Variants in HTRA3 observed in about 807,000 individuals in gnomAD.
HTRA3 encodes HtrA serine peptidase 3.
In HTRA3, 41 loss-of-function variants were observed where a neutral mutation model predicts 43.2. The observed-to-expected ratio is 0.95, with a 90% CI of 0.74 to 1.23. The LOEUF (loss-of-function observed/expected upper bound fraction) is 1.23. Ranked by LOEUF, HTRA3 falls within the 50% of genes most tolerant of loss-of-function variation. HTRA3 has a pLI of 0.00. For missense variants in HTRA3, 628 were observed against 647.1 expected (o/e 0.97, Z 0.32); for synonymous variants, 295 against 287.9 (o/e 1.02, Z -0.25).
rs1312302407 is a variant in HTRA3 at position 8,297,019 on chromosome 4, C to G, written c.1051+2818C>G. ...TAAGTTTCCCTGGTCTCAGAGTTCA[C>G]AGGGTTCCCCAGCCTCAGAGGTCAC... is the stretch of plus-strand genomic sequence containing the variant. On this transcript the variant is annotated intron_variant, in intron 6 of 8. Coordinates refer to ENST00000307358, the MANE Select transcript of HTRA3 (RefSeq NM_053044.5). This position sits in a 1 kb window ranked among gnomAD's most constrained non-coding sequence, Gnocchi z 5.8. 1.3e-5 allele frequency among the ~76,000 whole-genome samples: 2 copies of G among 152,034 alleles called. No homozygotes were observed. Among genetic ancestry groups the G allele is most frequent in the African/African-American group, 2.4e-5 (1 of 41,386 alleles).
intron 6 of HTRA3, among the ~76,000 whole-genome samples, chr4:8,298,928 CTTCCTT>C (rs1713550850): frequency 6.6e-6 from 1 of 152,214 alleles, no homozygotes; most frequent in Admixed American, 6.5e-5. Context: ...CGACTTTATT[CTTCCTT>C]TTCCAAGTTG....
chr4:8,272,780 C>T (rs1368329219), intron 1 of HTRA3, among the ~76,000 whole-genome samples: 1 of 152,206 alleles, frequency 6.6e-6, no homozygotes, highest in Non-Finnish European at 1.5e-5. Context: ...ACCCGAGAGC[C>T]CTGTCGCCAC....
rs114202231 is a variant in HTRA3, at chr4:8,299,397, T to C, written c.1052-3066T>C. ...CTAGAAACTTTTTTTGTAGATTCCA[T>C]CAGATTTCCTACATAGATGGCTATG... On this transcript the variant is annotated intron_variant, in intron 6 of 8. Coordinates refer to ENST00000307358, the MANE Select transcript of HTRA3 (RefSeq NM_053044.5). 7.9e-3 allele frequency among the ~76,000 whole-genome samples: 1,202 copies of C among 152,310 alleles called. 5 individuals are homozygous for C. The highest frequency in any genetic ancestry group is 0.011 in the Non-Finnish European group (774 of 68,020).
At chr4:8,273,970 C>A (rs138661093) in intron 1 of HTRA3, among the ~76,000 whole-genome samples, 29 of 152,248 alleles carry the variant, frequency 1.9e-4, no homozygotes, top group African/African-American at 6.0e-4. Context: ...CAAAACATCT[C>A]CTGGGGCGCT....
intron 3 of HTRA3, among the ~76,000 whole-genome samples, chr4:8,288,565 G>C (rs150425489): frequency 0.021 from 2,776 of 132,186 alleles, 40 homozygotes; most frequent in Middle Eastern, 0.083. Context: ...GTGAACCACC[G>C]TGCCTAGCCT....
chr4:8,285,522 G>A (rs116985160), intron 2 of HTRA3, among the ~76,000 whole-genome samples: 5 of 152,258 alleles, frequency 3.3e-5, no homozygotes, highest in South Asian at 2.1e-4. Flanking sequence ...TTTGTCCCTC[G>A]CACATTTTCC....
chr4:8,291,719 A>T (rs1713251415), intron 4 of HTRA3, among the ~76,000 whole-genome samples, 155 bp downstream of exon 4: 1 of 152,098 alleles, frequency 6.6e-6, no homozygotes. Context: ...CATTCGGTGG[A>T]GCTCTAACCC....
chr4:8,277,851 C>T (rs1712589520), intron 1 of HTRA3, among the ~76,000 whole-genome samples: 1 of 152,220 alleles, frequency 6.6e-6, no homozygotes, highest in Non-Finnish European at 1.5e-5. Context: ...CCCCAGCTCA[C>T]AGCTGACCAC....
Position 8,295,740 on chromosome 4 carries a change from T to TC in HTRA3, c.1051+1544dup. On this transcript the variant is annotated intron_variant, in intron 6 of 8. Transcript: ENST00000307358. This position sits in a 1 kb window ranked among gnomAD's most constrained non-coding sequence, Gnocchi z 6.9. ...TGAGAGCAGGGGGCTTCCTCACGTT[T>TC]CCCCCTCCTCCATGACCCCGTCAGC... is the stretch of plus-strand genomic sequence containing the variant. 3.0e-6 allele frequency: 4 copies of TC among 1,328,768 alleles called. No homozygotes were observed. Among genetic ancestry groups the TC allele is most frequent in the Non-Finnish European group, 2.9e-6 (3 of 1,036,828 alleles). The allele number at this position is 1,328,768 out of a possible 1,614,324, so 82.3% of individuals were successfully genotyped here. A position where few individuals can be genotyped will look rare whatever the true frequency, so the allele number is the denominator to read the frequency against.
chr4:8,282,459 G>A lies in HTRA3; in HGVS notation c.408G>A (p.Pro136=), dbSNP rs144854375. 1.1e-4 allele frequency: 184 copies of A among 1,613,732 alleles called. No homozygotes were observed. The highest frequency in any genetic ancestry group is 1.4e-4 in the Non-Finnish European group (167 of 1,179,924). Residue 136 remains proline, a synonymous_variant, in exon 2 of 9, where the codon CCG becomes CCA. Transcript: ENST00000307358. ...CPLGLHQLSS[P]RYKFNFIADV... is the part of the protein sequence containing the mutation. ...CAGGTCTCCACCAGCTGAGCAGCCC[G>A]CGCTACAAGTTCAACTTCATTGCTG...
chr4:8,284,512 C>T (rs1197003843), intron 2 of HTRA3, among the ~76,000 whole-genome samples: 1 of 152,228 alleles, frequency 6.6e-6, no homozygotes, highest in Non-Finnish European at 1.5e-5. Flanking sequence ...GGCTGTGACC[C>T]CTGACCTGAG....
At chr4:8,288,643 G>A (rs1252995375) in intron 3 of HTRA3, among the ~76,000 whole-genome samples, 3 of 150,426 alleles carry the variant, frequency 2.0e-5, no homozygotes, top group East Asian at 3.9e-4. Context: ...CAGGATCTCG[G>A]CTCACTGCAA....
chr4:8,275,267 C>A (rs1358378271), intron 1 of HTRA3, among the ~76,000 whole-genome samples: 1 of 152,188 alleles, frequency 6.6e-6, no homozygotes, highest in African/African-American at 2.4e-5. Flanking sequence ...CTTCCCCCGA[C>A]AGGCCTCTGC....
intron 1 of HTRA3, among the ~76,000 whole-genome samples, chr4:8,277,477 C>T (rs1038189041): frequency 1.1e-4 from 17 of 152,178 alleles, no homozygotes; most frequent in Admixed American, 4.6e-4. Flanking sequence ...GGGAAGGGTA[C>T]GAGGTGCTGT....
chr4:8,299,069 T>C lies in HTRA3; in HGVS notation c.1052-3394T>C, dbSNP rs567338489. Among the ~76,000 whole-genome samples the C allele has an allele frequency of 3.5e-3, 529 of 152,350 alleles. 6 individuals carry two copies. Among genetic ancestry groups the C allele is most frequent in the African/African-American group, 0.012 (504 of 41,572 alleles). ...GATTCCATTGAATTTACAGATCAAT[T>C]TGGGGAAATTTGGCATTTTAACAAT... is the stretch of plus-strand genomic sequence containing the variant. On this transcript the variant is annotated intron_variant, in intron 6 of 8. Coordinates refer to ENST00000307358, the MANE Select transcript of HTRA3 (RefSeq NM_053044.5).
chr4:8,282,609 A>C, intron 2 of HTRA3, 73 bp downstream of exon 2: 1 of 1,186,186 alleles, frequency 8.4e-7, no homozygotes, highest in Non-Finnish European at 1.2e-6. Context: ...TGGGGCCCAA[A>C]CCAGGCTTGA....
intron 3 of HTRA3, among the ~76,000 whole-genome samples, chr4:8,288,342 C>T (rs1201166686): frequency 2.6e-5 from 4 of 152,168 alleles, no homozygotes; most frequent in East Asian, 1.9e-4. Context: ...GGCGTCATCT[C>T]GGCTCACCAC....
At chr4:8,299,376 A>G (rs977031378) in intron 6 of HTRA3, among the ~76,000 whole-genome samples, 3 of 152,210 alleles carry the variant, frequency 2.0e-5, no homozygotes, top group African/African-American at 7.2e-5. Flanking sequence ...CTGCTTCTAG[A>G]AACTTTTTTT....
chr4:8,286,450 C>A lies in HTRA3; in HGVS notation c.486-111C>A. 1.2e-6 allele frequency: 1 copy of A among 866,348 alleles called. No homozygotes were observed. The highest frequency in any genetic ancestry group is 1.9e-6 in the Non-Finnish European group (1 of 526,564). The allele number at this position is 866,348 out of a possible 1,614,324, so 53.7% of individuals were successfully genotyped here. A position where few individuals can be genotyped will look rare whatever the true frequency, so the allele number is the denominator to read the frequency against. On this transcript the variant is annotated intron_variant, in intron 2 of 8. Transcript: ENST00000307358. This position sits in a 1 kb window ranked among gnomAD's most constrained non-coding sequence, Gnocchi z 4.9. ...GCTTGAGGGACTCCAGACCTGTGTT[C>A]TGTCAGCCACACACTGGCTCTGCTC...
Sources: gnomAD v4.1 joint callset for allele counts (sites outside exome capture counted in the v4.1 genomes callset) on GRCh38, gnomAD v4.1.1 for gene constraint, Gnocchi (gnomAD v3.1) non-coding constraint, MANE v1.5 for transcripts, NCBI Gene and HGNC (gene_info 2026-07-23, HGNC 2026-07-21) for gene names.